CPQ: variants seen among roughly 807,000 people sequenced by gnomAD.
CPQ encodes Ser-Met dipeptidase.
Under a neutral mutation model 45.7 loss-of-function variants are expected in CPQ, and 37 were observed. The ratio of observed to expected loss-of-function variants is 0.81; its 90% CI spans 0.62 to 1.07. CPQ has a LOEUF of 1.07. CPQ is among the 50% of genes least tolerant of loss of function. The pLI, the probability that CPQ is intolerant of heterozygous loss-of-function variation, is 0.00. For missense variants in CPQ, 537 were observed against 572.9 expected (o/e 0.94, Z 0.64); for synonymous variants, 186 against 205.8 (o/e 0.90, Z 0.82).
At chr8:96,680,061 A>G (rs1264134326) in intron 1 of CPQ, among the ~76,000 whole-genome samples, 1 of 152,118 alleles carries the variant, frequency 6.6e-6, no homozygotes, top group Non-Finnish European at 1.5e-5. Context: ...TATTGCTATA[A>G]ACTTCCCTCT....
intron 7 of CPQ, among the ~76,000 whole-genome samples, chr8:97,137,887 C>CAA (rs34317563): frequency 2.0e-3 from 290 of 142,032 alleles, no homozygotes; most frequent in African/African-American, 6.2e-3. Flanking sequence ...GACTCCGTCT[C>CAA]AAAAAAAAAA....
At chr8:96,679,869 C>A (rs1211768284) in intron 1 of CPQ, among the ~76,000 whole-genome samples, 4 of 151,810 alleles carry the variant, frequency 2.6e-5, no homozygotes, top group African/African-American at 4.8e-5. Flanking sequence ...CAAAAACCAA[C>A]TTTTCATTTC....
At chr8:96,936,877 C>A (rs768309953) in intron 4 of CPQ, among the ~76,000 whole-genome samples, 44 of 152,172 alleles carry the variant, frequency 2.9e-4, no homozygotes, top group Non-Finnish European at 5.3e-4. Context: ...ATTCCCATAG[C>A]TTTAAAAGTC....
intron 2 of CPQ, among the ~76,000 whole-genome samples, chr8:96,801,664 G>T (rs1249480083): frequency 6.6e-6 from 1 of 152,072 alleles, no homozygotes; most frequent in Non-Finnish European, 1.5e-5. Flanking sequence ...TCTAGGAGGA[G>T]GTTTTCCTTT....
At chr8:96,741,105 G>T (rs1412577730) in intron 1 of CPQ, among the ~76,000 whole-genome samples, 2 of 152,148 alleles carry the variant, frequency 1.3e-5, no homozygotes, top group Non-Finnish European at 2.9e-5. Context: ...ATCTGGTCCT[G>T]GACTCTTTTT....
intron 7 of CPQ, among the ~76,000 whole-genome samples, chr8:97,121,475 C>T (rs1281387159): frequency 6.6e-6 from 1 of 152,132 alleles, no homozygotes; most frequent in Non-Finnish European, 1.5e-5. Flanking sequence ...TTATTTTAGA[C>T]TCACTCTGGT....
intron 2 of CPQ, among the ~76,000 whole-genome samples, chr8:96,819,593 G>A (rs1298641956): frequency 6.6e-6 from 1 of 152,094 alleles, no homozygotes; most frequent in Non-Finnish European, 1.5e-5. Flanking sequence ...TTCTGGTGAA[G>A]CTCTCCTGGG....
intron 7 of CPQ, among the ~76,000 whole-genome samples, chr8:97,080,608 G>A (rs11994180): frequency 6.6e-6 from 1 of 152,036 alleles, no homozygotes; most frequent in African/African-American, 2.4e-5. Context: ...GTTCAGAAGT[G>A]GCCACCTAAC....
intron 4 of CPQ, among the ~76,000 whole-genome samples, chr8:96,910,355 C>G (rs1812642250): frequency 6.6e-6 from 1 of 152,180 alleles, no homozygotes; most frequent in Admixed American, 6.5e-5. Context: ...CTTTCTCCAT[C>G]CTTGTCACCA....
intron 4 of CPQ, among the ~76,000 whole-genome samples, chr8:96,949,926 A>C (rs965244319): frequency 2.6e-5 from 4 of 152,132 alleles, no homozygotes; most frequent in Non-Finnish European, 5.9e-5. Context: ...GAAACAAACT[A>C]TAAACATTTT....
chr8:97,042,228 C>T (rs1417641792), intron 6 of CPQ, among the ~76,000 whole-genome samples: 7 of 151,402 alleles, frequency 4.6e-5, no homozygotes, highest in Non-Finnish European at 4.4e-5. Flanking sequence ...GTGTATGTGT[C>T]GAGGAATTTA....
At chr8:96,991,005 TCA>T (rs1408422821) in intron 5 of CPQ, among the ~76,000 whole-genome samples, 2 of 152,174 alleles carry the variant, frequency 1.3e-5, no homozygotes, top group Non-Finnish European at 2.9e-5. Context: ...CAGAATCTAC[TCA>T]GTCTTTTCCC....
At chr8:97,106,746 C>A (rs1323627811) in intron 7 of CPQ, among the ~76,000 whole-genome samples, 1 of 151,882 alleles carries the variant, frequency 6.6e-6, no homozygotes, top group Admixed American at 6.6e-5. Flanking sequence ...AGTGAGTGAG[C>A]ATAGAGAAGA....
chr8:97,021,193 C>T (rs1188320751), intron 5 of CPQ, among the ~76,000 whole-genome samples: 1 of 152,150 alleles, frequency 6.6e-6, no homozygotes, highest in Admixed American at 6.5e-5. Context: ...TTAAAACTCT[C>T]AGCAAAATCG....
intron 4 of CPQ, among the ~76,000 whole-genome samples, chr8:96,965,056 A>G (rs910718942): frequency 2.0e-5 from 3 of 152,200 alleles, no homozygotes; most frequent in South Asian, 4.1e-4. Flanking sequence ...TGTGTAATAT[A>G]ATTTCTAGAT....
chr8:96,751,736 G>A (rs1810264780), intron 1 of CPQ, among the ~76,000 whole-genome samples: 1 of 152,094 alleles, frequency 6.6e-6, no homozygotes, highest in Non-Finnish European at 1.5e-5. Context: ...GAATGGTATT[G>A]CCTAGATTTT....
chr8:96,999,966 A>T (rs1453847055), intron 5 of CPQ, among the ~76,000 whole-genome samples: 1 of 146,078 alleles, frequency 6.8e-6, no homozygotes, highest in Non-Finnish European at 1.5e-5. Flanking sequence ...TGCAGTTTTG[A>T]TTTGCATTTC....
At chr8:96,960,466 T>C (rs1270005716) in intron 4 of CPQ, among the ~76,000 whole-genome samples, 1 of 152,214 alleles carries the variant, frequency 6.6e-6, no homozygotes, top group Non-Finnish European at 1.5e-5. Context: ...AGGTAGGTTT[T>C]TGATAATTCT....
chr8:97,127,530 A>G (rs1171786154), intron 7 of CPQ, among the ~76,000 whole-genome samples: 1 of 152,062 alleles, frequency 6.6e-6, no homozygotes, highest in Non-Finnish European at 1.5e-5. Flanking sequence ...CTCTACAAAA[A>G]ATACAAAAAT....
Sources: gnomAD v4.1 joint callset for allele counts (sites outside exome capture counted in the v4.1 genomes callset) on GRCh38, gnomAD v4.1.1 for gene constraint, MANE v1.5 for transcripts, NCBI Gene and HGNC (gene_info 2026-07-23, HGNC 2026-07-21) for gene names.